The following LARP4B variants were observed in gnomAD, a reference collection of about 807,000 sequenced individuals.
LARP4B encodes la-related protein 4B.
Under a neutral mutation model 89.8 loss-of-function variants are expected in LARP4B, and 12 were observed. The ratio of observed to expected loss-of-function variants is 0.13; its 90% CI spans 0.09 to 0.22. LARP4B has a LOEUF of 0.22. LARP4B is among the 10% of genes least tolerant of loss of function. The pLI, the probability that LARP4B is intolerant of heterozygous loss-of-function variation, is 1.00. For missense variants in LARP4B, 757 were observed against 947.7 expected (o/e 0.80, Z 2.64); for synonymous variants, 367 against 363.3 (o/e 1.01, Z -0.12).
intron 8 of LARP4B, among the ~76,000 whole-genome samples, chr10:831,279 T>TA (rs1293769862): frequency 6.8e-6 from 1 of 146,010 alleles, no homozygotes; most frequent in African/African-American, 2.5e-5. Context: ...TGCACAACTT[T>TA]TTTTTTTTTT....
the LARP4B span, among the ~76,000 whole-genome samples, chr10:966,068 GTGTGTGTGTGTGTGTGTA>G: frequency 1.7e-5 from 2 of 118,806 alleles, no homozygotes; most frequent in African/African-American, 5.4e-5. Flanking sequence ...GTGTGTGTGT[GTGTGTGTGTGTGTGTGTA>G]TGAGATTTTA....
At chr10:892,950 A>G (rs7075146) in intron 1 of LARP4B, among the ~76,000 whole-genome samples, 82,727 of 141,722 alleles carry the variant, frequency 0.58, 23,785 homozygotes, top group South Asian at 0.65. Flanking sequence ...TTGCTCTGTC[A>G]CCCAGGCTGG....
Position 899,940 on chromosome 10 carries a change from C to T in LARP4B, c.-39-14180G>A, listed in dbSNP as rs1312406811. ...ATCAAAATGTGTTACTTTCAATGTC[C>T]AAACAAAATTTGTAGAAAACAGTTT... On this transcript the variant is annotated intron_variant, in intron 1 of 17. Coordinates refer to ENST00000316157, the MANE Select transcript of LARP4B (RefSeq NM_015155.3). Among the ~76,000 whole-genome samples, 4 of 151,530 alleles carry T rather than the reference C, an allele frequency of 2.6e-5. No homozygotes were observed. In the East Asian group the frequency reaches 7.7e-4, roughly 29 times the overall value.
At chr10:854,212 G>A (rs141470247) in intron 5 of LARP4B, among the ~76,000 whole-genome samples, 6 of 152,268 alleles carry the variant, frequency 3.9e-5, no homozygotes, top group African/African-American at 1.2e-4. Context: ...TACCTCTGCA[G>A]TGACTTTCTC....
intron 7 of LARP4B, among the ~76,000 whole-genome samples, chr10:838,274 A>G (rs572212517): frequency 6.6e-6 from 1 of 152,292 alleles, no homozygotes; most frequent in Admixed American, 6.5e-5. Flanking sequence ...TCCATGAAAA[A>G]ATTTCATTAA....
chr10:835,437 C>T (rs752839115), intron 8 of LARP4B, among the ~76,000 whole-genome samples: 1 of 152,140 alleles, frequency 6.6e-6, no homozygotes, highest in African/African-American at 2.4e-5. Flanking sequence ...ATGAGACCAA[C>T]AACAAACCCA....
At chr10:933,437 A>G (rs1335018997), upstream of LARP4B, among the ~76,000 whole-genome samples, 1 of 152,088 alleles carries the variant, frequency 6.6e-6, no homozygotes, top group Non-Finnish European at 1.5e-5. Context: ...TCAGCGTTCA[A>G]ATGCTGACAA....
At chr10:930,021 G>C (rs11253520) in intron 1 of LARP4B, among the ~76,000 whole-genome samples, 28,615 of 151,554 alleles carry the variant, frequency 0.19, 2,914 homozygotes, top group Non-Finnish European at 0.23. Flanking sequence ...AAGCCACAAC[G>C]ATTTCAACTT....
chr10:879,274 C>G (rs1835575019), intron 3 of LARP4B, among the ~76,000 whole-genome samples: 1 of 152,218 alleles, frequency 6.6e-6, no homozygotes. Context: ...CGAATACATT[C>G]TAAGAGGAAA....
At chr10:858,007 AC>A (rs1834397426) in intron 5 of LARP4B, among the ~76,000 whole-genome samples, 1 of 152,206 alleles carries the variant, frequency 6.6e-6, no homozygotes, top group Non-Finnish European at 1.5e-5. Flanking sequence ...GAAAGACCCA[AC>A]AATGCTATGG....
At position 821,336 on chromosome 10, in the gene LARP4B, AC is replaced by A. The variant is rs200157817; in HGVS notation, c.1485-492del. On this transcript the variant is annotated intron_variant, in intron 13 of 17. Coordinates refer to ENST00000316157, the MANE Select transcript of LARP4B (RefSeq NM_015155.3). ...TCCTCCACTACTGCCTCAATGGCTG[AC>A]CCCTTCCCACGAAAACCACACAAGG... Among the ~76,000 whole-genome samples, 147 of 152,202 alleles carry A rather than the reference AC, an allele frequency of 9.7e-4. 2 individuals carry two copies. In the East Asian group the frequency reaches 0.026, roughly 27 times the overall value.
chr10:981,692 C>T, the LARP4B span, among the ~76,000 whole-genome samples: 1 of 152,092 alleles, frequency 6.6e-6, no homozygotes, highest in African/African-American at 2.4e-5. Flanking sequence ...TGCTCAGCTT[C>T]CAGAATAGCT....
intron 14 of LARP4B, chr10:819,438 GC>G (rs200733850): frequency 0.012 from 1,903 of 152,310 alleles, 17 homozygotes; most frequent in Middle Eastern, 0.027. Flanking sequence ...GCGTGGTTAG[GC>G]CCGAGGCTCA....
chr10:856,526 TG>T (rs1834311195), intron 5 of LARP4B, among the ~76,000 whole-genome samples: 1 of 152,146 alleles, frequency 6.6e-6, no homozygotes, highest in Non-Finnish European at 1.5e-5. Context: ...TCACAACATA[TG>T]GAGCAGAAAC....
At chr10:843,480 T>C (rs1455988737) in intron 6 of LARP4B, among the ~76,000 whole-genome samples, 2 of 152,112 alleles carry the variant, frequency 1.3e-5, no homozygotes, top group South Asian at 2.1e-4. Flanking sequence ...AGGCAGATCA[T>C]CTGGGTTCAG....
At chr10:943,025 C>A in the LARP4B span, among the ~76,000 whole-genome samples, 1 of 150,974 alleles carries the variant, frequency 6.6e-6, no homozygotes, top group Non-Finnish European at 1.5e-5. Flanking sequence ...CGGCTCACTG[C>A]AGCTTCTGCC....
intron 6 of LARP4B, 84 bp downstream of exon 6, chr10:844,893 A>G (rs1588898108): frequency 2.0e-6 from 2 of 999,408 alleles, no homozygotes; most frequent in Admixed American, 2.3e-5. Flanking sequence ...ATACTCCTTC[A>G]TAAAATATCA....
chr10:982,307 G>A, the LARP4B span, among the ~76,000 whole-genome samples: 1 of 151,968 alleles, frequency 6.6e-6, no homozygotes, highest in East Asian at 1.9e-4. Context: ...GGCCAGGCTG[G>A]TCTCGAACTC....
chr10:836,362 G>A, intron 8 of LARP4B, 41 bp downstream of exon 8: 1 of 1,366,074 alleles, frequency 7.3e-7, no homozygotes, highest in Non-Finnish European at 1.0e-6. Flanking sequence ...AAAGACCTTT[G>A]GGAAAATGTC....
Sources: gnomAD v4.1 joint callset for allele counts (sites outside exome capture counted in the v4.1 genomes callset) on GRCh38, gnomAD v4.1.1 for gene constraint, MANE v1.5 for transcripts, NCBI Gene and HGNC (gene_info 2026-07-23, HGNC 2026-07-21) for gene names.